CPNE8: variants seen among roughly 807,000 people sequenced by gnomAD.
CPNE8 encodes copine-8.
CPNE8 carries 45 observed loss-of-function variants against 81.5 expected under a neutral mutation model. The ratio of observed to expected loss-of-function variants is 0.55; its 90% confidence interval spans 0.44 to 0.71. The LOEUF is 0.71. Among genes scored for constraint, CPNE8 ranks in the 30% least tolerant of loss-of-function variants. CPNE8 has a pLI of 0.00. For missense variants in CPNE8, 594 were observed against 672.1 expected, an observed-to-expected ratio of 0.88 and a Z score of 1.28; for synonymous variants, 252 against 226.3, an observed-to-expected ratio of 1.11 and a Z score of -1.02.
rs553649943 is a variant in CPNE8 at position 38,700,901 on chromosome 12, C to CT, written c.961+1973dup. Among the ~76,000 whole-genome samples, 158 of 152,310 alleles carry CT rather than the reference C, an allele frequency of 1.0e-3. 1 individual carries two copies. The highest frequency in any genetic ancestry group is 3.5e-3 in the African/African-American group (146 of 41,572). On this transcript the variant is annotated intron_variant, in intron 14 of 19. Coordinates refer to ENST00000331366, the MANE Select transcript of CPNE8 (RefSeq NM_153634.3). The stretch of plus-strand genomic sequence containing the variant: ...CATAACTTTGCTCCTCATTCTCCTT[C>CT]TGTCATGATTGTGAGGCCTCCCTAG...
chr12:38,840,557 A>C (rs763456581), intron 4 of CPNE8, among the ~76,000 whole-genome samples: 22 of 152,188 alleles, frequency 1.4e-4, no homozygotes, highest in Non-Finnish European at 2.9e-4. Context: ...AATATTTTTA[A>C]AAATCAAATT....
intron 6 of CPNE8, among the ~76,000 whole-genome samples, chr12:38,791,142 A>C (rs777985812): frequency 2.6e-5 from 4 of 151,686 alleles, no homozygotes; most frequent in African/African-American, 4.8e-5. Context: ...AATAAGATGT[A>C]ACTGCCTTCA....
intron 6 of CPNE8, among the ~76,000 whole-genome samples, chr12:38,813,908 C>T (rs1252465995): frequency 1.3e-5 from 2 of 152,130 alleles, no homozygotes; most frequent in African/African-American, 4.8e-5. Context: ...CCAATAGCCA[C>T]AGAGAGGCCA....
intron 16 of CPNE8, among the ~76,000 whole-genome samples, chr12:38,682,055 T>A (rs1001948735): frequency 1.3e-5 from 2 of 151,848 alleles, no homozygotes; most frequent in Non-Finnish European, 2.9e-5. Flanking sequence ...CCCCGTCTCT[T>A]CTAAAGATAC....
chr12:38,829,311 A>G, intron 6 of CPNE8, 68 bp downstream of exon 6: 1 of 1,083,292 alleles, frequency 9.2e-7, no homozygotes, highest in East Asian at 2.4e-5. Context: ...TGCATTCACC[A>G]ATTCCAAACT....
rs778537787 is a variant in CPNE8, at chr12:38,762,146, A to G, written c.646T>C (p.Ser216Pro). ...TCTCCATTACATAATGCTCTGACTG[A>G]GATCTTGAATGCTTGCCATACTGGA... ...LNPVWQAFKI[S>P]VRALCNGDYD... Residue 216 changes from serine to proline, a missense_variant, in exon 9 of 20, where the codon TCA (serine) becomes CCA (proline). By Grantham distance (74) the Ser-to-Pro change is moderately conservative. Coordinates refer to ENST00000331366, the MANE Select transcript of CPNE8 (RefSeq NM_153634.3). 6.9e-6 allele frequency: 11 copies of G among 1,600,254 alleles called. No individual in the cohort carries two copies. Among genetic ancestry groups the G allele is most frequent in the Non-Finnish European group, 9.4e-6 (11 of 1,172,110 alleles).
chr12:38,720,454 T>C (rs1940532121), intron 13 of CPNE8, among the ~76,000 whole-genome samples: 1 of 152,192 alleles, frequency 6.6e-6, no homozygotes, highest in African/African-American at 2.4e-5. Flanking sequence ...CCGAACGTAC[T>C]GGATATCTGT....
intron 8 of CPNE8, among the ~76,000 whole-genome samples, chr12:38,766,331 C>T (rs1194711315): frequency 6.6e-6 from 1 of 152,094 alleles, no homozygotes; most frequent in Non-Finnish European, 1.5e-5. Context: ...CATTTTCATT[C>T]AAGAAATTCA....
intron 6 of CPNE8, among the ~76,000 whole-genome samples, chr12:38,808,281 C>G (rs1200264324): frequency 1.3e-5 from 2 of 152,104 alleles, no homozygotes; most frequent in Non-Finnish European, 2.9e-5. Flanking sequence ...ATAAATCATG[C>G]TGCTATAAAG....
At chr12:38,861,049 A>G (rs1943824673) in intron 3 of CPNE8, among the ~76,000 whole-genome samples, 1 of 152,198 alleles carries the variant, frequency 6.6e-6, no homozygotes, top group South Asian at 2.1e-4. Flanking sequence ...AATATTATTC[A>G]GCTTTACAAA....
chr12:38,750,858 G>A (rs780036678), intron 10 of CPNE8, among the ~76,000 whole-genome samples: 5 of 152,114 alleles, frequency 3.3e-5, no homozygotes, highest in Non-Finnish European at 7.4e-5. Context: ...TGAAATGTGA[G>A]GATATGAGAT....
chr12:38,717,167 G>A (rs1296486656), intron 13 of CPNE8, among the ~76,000 whole-genome samples: 1 of 151,650 alleles, frequency 6.6e-6, no homozygotes, highest in Admixed American at 6.6e-5. Flanking sequence ...TGGTGAAAAA[G>A]GAACACTTTT....
chr12:38,896,366 T>C (rs989959802), intron 1 of CPNE8, among the ~76,000 whole-genome samples: 1 of 152,086 alleles, frequency 6.6e-6, no homozygotes. Context: ...CTGAATGTTG[T>C]CATTAAGTTT....
intron 6 of CPNE8, among the ~76,000 whole-genome samples, chr12:38,811,643 C>T (rs1217261851): frequency 6.6e-6 from 1 of 152,076 alleles, no homozygotes; most frequent in African/African-American, 2.4e-5. Flanking sequence ...TCACTTGAGG[C>T]CAGGAGTTTG....
chr12:38,664,033 T>C (rs926988871), intron 19 of CPNE8, among the ~76,000 whole-genome samples: 11 of 151,834 alleles, frequency 7.2e-5, no homozygotes, highest in African/African-American at 2.4e-4. Flanking sequence ...TACGGCTAGA[T>C]AGGAGGAATA....
intron 13 of CPNE8, among the ~76,000 whole-genome samples, chr12:38,704,826 G>GTGTGTATATATATATA (rs1249607170): frequency 2.0e-5 from 1 of 50,200 alleles, no homozygotes; most frequent in African/African-American, 4.6e-5. Context: ...GTATGTATGT[G>GTGTGTATATATATATA]TATATATATA....
At position 38,775,757 on chromosome 12, in the gene CPNE8, T is replaced by A. The variant is rs1196994704; in HGVS notation, c.471+481A>T. On this transcript the variant is annotated intron_variant, in intron 7 of 19. Transcript: ENST00000331366. ...GCTGTAGTGGCAGCTAATCCTTTCT[T>A]CAAATGTGGACTTCCCAAGCTAACA... Among the ~76,000 whole-genome samples, 6 of 152,146 alleles carry A rather than the reference T, an allele frequency of 3.9e-5. No homozygotes were observed. The East Asian group carries it at 7.7e-4, about 20-fold the overall frequency.
Position 38,714,466 on chromosome 12 carries a change from A to C in CPNE8, c.914+9306T>G, listed in dbSNP as rs116332561. 5.3e-3 allele frequency among the ~76,000 whole-genome samples: 806 copies of C among 152,178 alleles called. 5 individuals are homozygous for C. The highest frequency in any genetic ancestry group is 0.018 in the African/African-American group (764 of 41,570). ...GATAAAAGTACAGAGTGTGATTAAA[A>C]ATGATGACACCAAGGTCAATAATCC... On this transcript the variant is annotated intron_variant, in intron 13 of 19. Transcript: ENST00000331366.
chr12:38,827,917 G>A (rs1943225593), intron 6 of CPNE8, among the ~76,000 whole-genome samples: 1 of 152,122 alleles, frequency 6.6e-6, no homozygotes, highest in Admixed American at 6.5e-5. Flanking sequence ...CCAAAGCCCT[G>A]TGATGTGCAA....
Sources: allele counts gnomAD v4.1 joint callset (sites outside exome capture counted in the v4.1 genomes callset), GRCh38; gene constraint gnomAD v4.1.1; transcripts MANE v1.5; gene names NCBI Gene and HGNC (gene_info 2026-07-23, HGNC 2026-07-21).